Variants in CRADD observed in about 807,000 individuals in gnomAD.
CRADD encodes the protein CARD and death domain containing adaptor protein, also known as death domain-containing protein CRADD.
In CRADD, 9 loss-of-function variants were observed where a neutral mutation model predicts 15.5. The observed-to-expected ratio is 0.58, with a 90% confidence interval of 0.35 to 1.01. CRADD has a LOEUF of 1.01. CRADD is among the 50% of genes least tolerant of loss of function. CRADD has a pLI of 0.02. For synonymous variants in CRADD, 118 were observed against 107.6 expected (o/e 1.10, Z -0.60); for missense variants, 227 against 250.3 (o/e 0.91, Z 0.63).
chr12:93,876,418 C>A lies in CRADD; in HGVS notation c.299-17632C>A, dbSNP rs534985764. ...ATTTGAATACACTTTCTACCCCTAT[C>A]TCTTTCTCTACCTCCTATTTAAGGC... On this transcript the variant is annotated intron_variant, in intron 2 of 2. Transcript: ENST00000548483. 4.8e-4 allele frequency among the ~76,000 whole-genome samples: 73 copies of A among 152,288 alleles called. 2 individuals are homozygous for A. The highest frequency in any genetic ancestry group is 4.2e-3 in the Admixed American group (64 of 15,296).
chr12:93,822,986 A>G (rs1244509245), intron 2 of CRADD, among the ~76,000 whole-genome samples: 1 of 152,218 alleles, frequency 6.6e-6, no homozygotes, highest in African/African-American at 2.4e-5. Flanking sequence ...CAAACAAAAT[A>G]TACTCATTTA....
At chr12:93,808,157 G>T (rs1258886164) in intron 2 of CRADD, among the ~76,000 whole-genome samples, 1 of 151,762 alleles carries the variant, frequency 6.6e-6, no homozygotes, top group Non-Finnish European at 1.5e-5. Flanking sequence ...TGAAGGGAGA[G>T]CTCAGGCTTT....
chr12:93,740,958 G>C (rs1466561642), intron 2 of CRADD, among the ~76,000 whole-genome samples: 1 of 152,160 alleles, frequency 6.6e-6, no homozygotes, highest in African/African-American at 2.4e-5. Context: ...TTTGAGCCAA[G>C]TAATTTTTTG....
At chr12:93,889,073 G>A (rs1289720951) in intron 2 of CRADD, among the ~76,000 whole-genome samples, 1 of 152,110 alleles carries the variant, frequency 6.6e-6, no homozygotes, top group East Asian at 1.9e-4. Flanking sequence ...GGGAGTCATC[G>A]GCACATGGAT....
At chr12:93,720,187 A>G (rs1213500986) in intron 2 of CRADD, among the ~76,000 whole-genome samples, 3 of 152,030 alleles carry the variant, frequency 2.0e-5, no homozygotes, top group Admixed American at 6.5e-5. Context: ...TCTTACCCCT[A>G]TGTTACTTAG....
intron 2 of CRADD, among the ~76,000 whole-genome samples, chr12:93,680,997 G>GC (rs1955279531): frequency 6.6e-6 from 1 of 151,758 alleles, no homozygotes; most frequent in Non-Finnish European, 1.5e-5. Context: ...CAATTCTTCT[G>GC]CCTCAGCCTC....
chr12:93,693,901 A>G (rs1955635483), intron 2 of CRADD, among the ~76,000 whole-genome samples: 1 of 152,126 alleles, frequency 6.6e-6, no homozygotes, highest in Non-Finnish European at 1.5e-5. Flanking sequence ...ATTCTGCCAA[A>G]CATTCAAAGA....
intron 2 of CRADD, among the ~76,000 whole-genome samples, chr12:93,836,546 T>G (rs1957974849): frequency 6.6e-6 from 1 of 152,206 alleles, no homozygotes; most frequent in South Asian, 2.1e-4. Context: ...ACATCTAACC[T>G]TGACAATATT....
intron 2 of CRADD, among the ~76,000 whole-genome samples, chr12:93,777,272 A>G (rs1957150679): frequency 6.6e-6 from 1 of 152,194 alleles, no homozygotes; most frequent in Admixed American, 6.5e-5. Context: ...TTTTCCCCTA[A>G]CAGAATAGAG....
At chr12:93,822,143 A>G (rs955448387) in intron 2 of CRADD, among the ~76,000 whole-genome samples, 1 of 151,470 alleles carries the variant, frequency 6.6e-6, no homozygotes, top group Non-Finnish European at 1.5e-5. Flanking sequence ...GTAGACAGCA[A>G]TGAGTCAGTG....
chr12:93,802,708 G>A (rs1200439608), intron 2 of CRADD, among the ~76,000 whole-genome samples: 1 of 152,166 alleles, frequency 6.6e-6, no homozygotes, highest in African/African-American at 2.4e-5. Context: ...CCTTTTCTCT[G>A]GGAGGCCATT....
chr12:93,718,106 A>C (rs930289486), intron 2 of CRADD, among the ~76,000 whole-genome samples: 15 of 152,218 alleles, frequency 9.9e-5, no homozygotes, highest in Non-Finnish European at 2.9e-5. Context: ...AAAGTCAGGT[A>C]GTGGCAGTCC....
At chr12:93,829,515 A>G (rs1957865607) in intron 2 of CRADD, among the ~76,000 whole-genome samples, 1 of 152,130 alleles carries the variant, frequency 6.6e-6, no homozygotes, top group Admixed American at 6.6e-5. Flanking sequence ...AATTTTGTGA[A>G]ACCTCTCAAT....
intron 2 of CRADD, among the ~76,000 whole-genome samples, chr12:93,892,031 G>A (rs1958579568): frequency 6.6e-6 from 1 of 152,182 alleles, no homozygotes; most frequent in African/African-American, 2.4e-5. Context: ...AACCCTGTGA[G>A]ATAGACAGGT....
chr12:93,771,654 G>C (rs1592976445), intron 2 of CRADD, among the ~76,000 whole-genome samples: 1 of 152,146 alleles, frequency 6.6e-6, no homozygotes, highest in Non-Finnish European at 1.5e-5. Flanking sequence ...TATGTCCTTT[G>C]CACATTTAGG....
At chr12:93,746,998 T>C (rs1956762880) in intron 2 of CRADD, among the ~76,000 whole-genome samples, 1 of 151,998 alleles carries the variant, frequency 6.6e-6, no homozygotes, top group African/African-American at 2.4e-5. Context: ...GCCAAATGAG[T>C]TCAGGTCAGG....
rs191986414 is a variant in CRADD, at chr12:93,677,404, A to G, written c.-75A>G. 4 of 152,272 alleles carry G rather than the reference A, an allele frequency of 2.6e-5. No individual in the cohort carries two copies. Among genetic ancestry groups the G allele is most frequent in the African/African-American group, 9.6e-5 (4 of 41,472 alleles). The allele number at this position is 152,272 out of a possible 1,614,324, so 9.4% of individuals were successfully genotyped here. On this transcript the variant is annotated 5_prime_UTR_variant, in exon 1 of 3. Coordinates refer to ENST00000332896, the MANE Select transcript of CRADD (RefSeq NM_003805.5). Reference sequence around the variant, plus strand: ...TTAACAAAGATGGTGCTTATGGGGCAGGTTCCCTAACAGTCAGGATTCCGG... The same window carrying G: ...TTAACAAAGATGGTGCTTATGGGGCGGGTTCCCTAACAGTCAGGATTCCGG...
At chr12:93,731,626 C>A (rs1401005376) in intron 2 of CRADD, among the ~76,000 whole-genome samples, 3 of 152,150 alleles carry the variant, frequency 2.0e-5, no homozygotes, top group African/African-American at 7.2e-5. Flanking sequence ...ATCAAGAAGG[C>A]GAACACCTTC....
chr12:93,889,550 C>T (rs1177869097), intron 2 of CRADD, among the ~76,000 whole-genome samples: 1 of 152,184 alleles, frequency 6.6e-6, no homozygotes, highest in East Asian at 1.9e-4. Flanking sequence ...CACTGCAGCA[C>T]TTCTCACCTG....
Sources: allele counts gnomAD v4.1 joint callset (sites outside exome capture counted in the v4.1 genomes callset), GRCh38; gene constraint gnomAD v4.1.1; transcripts MANE v1.5; gene names NCBI Gene and HGNC (gene_info 2026-07-23, HGNC 2026-07-21).